AGTPBP1: variants seen among roughly 807,000 people sequenced by gnomAD.
AGTPBP1 encodes ATP/GTP binding carboxypeptidase 1.
Under a neutral mutation model 143.9 loss-of-function variants are expected in AGTPBP1, and 70 were observed. The ratio of observed to expected loss-of-function variants is 0.49; its 90% CI spans 0.40 to 0.59. The LOEUF (loss-of-function observed/expected upper bound fraction) is 0.59, where lower values mean the gene tolerates loss of function less well. Among genes scored for constraint, AGTPBP1 ranks in the 20% least tolerant of loss-of-function variants. The pLI, the probability that AGTPBP1 is intolerant of heterozygous loss-of-function variation, is 0.00. For synonymous variants in AGTPBP1, 463 were observed against 500.2 expected (o/e 0.93, Z 0.99); for missense variants, 1,229 against 1,464.5 (o/e 0.84, Z 2.62).
the AGTPBP1 span, among the ~76,000 whole-genome samples, chr9:85,797,073 C>T: frequency 6.6e-6 from 1 of 152,206 alleles, no homozygotes; most frequent in Admixed American, 6.5e-5. Context: ...GCATGAGCCA[C>T]TGCGCCCGGC....
intron 13 of AGTPBP1, among the ~76,000 whole-genome samples, chr9:85,636,472 A>G (rs1284893697): frequency 6.6e-6 from 1 of 151,870 alleles, no homozygotes; most frequent in African/African-American, 2.4e-5. Context: ...CATATTGGCC[A>G]TGGTCTCGAT....
At chr9:85,581,768 G>C (rs1828277410) in intron 23 of AGTPBP1, among the ~76,000 whole-genome samples, 1 of 152,120 alleles carries the variant, frequency 6.6e-6, no homozygotes, top group Non-Finnish European at 1.5e-5. Flanking sequence ...CTTATTGGAA[G>C]GATGCTATGA....
the AGTPBP1 span, among the ~76,000 whole-genome samples, chr9:85,769,437 G>C: frequency 1.3e-5 from 2 of 150,488 alleles, no homozygotes; most frequent in Admixed American, 1.3e-4. Flanking sequence ...TGTAGTCCCA[G>C]CTACTCAGGA....
chr9:85,779,236 GATATAGATATCT>G, the AGTPBP1 span, among the ~76,000 whole-genome samples: 27 of 84,942 alleles, frequency 3.2e-4, no homozygotes, highest in African/African-American at 7.4e-4. Context: ...TATAGATATA[GATATAGATATCT>G]ATATAAATAT....
At chr9:85,804,882 C>A in the AGTPBP1 span, among the ~76,000 whole-genome samples, 1 of 152,168 alleles carries the variant, frequency 6.6e-6, no homozygotes, top group Non-Finnish European at 1.5e-5. Flanking sequence ...GCCTGGAGGT[C>A]GAACCCCAAG....
the AGTPBP1 span, among the ~76,000 whole-genome samples, chr9:85,796,978 G>T: frequency 6.6e-6 from 1 of 151,170 alleles, no homozygotes; most frequent in African/African-American, 2.4e-5. Flanking sequence ...GTAGAGACAG[G>T]GTTTCACCGT....
intron 15 of AGTPBP1, 143 bp from the exon 16 acceptor site, chr9:85,619,444 G>A (rs1041451394): frequency 1.7e-6 from 1 of 592,364 alleles, no homozygotes; most frequent in East Asian, 3.0e-5. Context: ...CACAAAACAA[G>A]CACAATCAAT....
chr9:85,566,296 G>C (rs1279064436), intron 25 of AGTPBP1, among the ~76,000 whole-genome samples: 4 of 152,020 alleles, frequency 2.6e-5, no homozygotes, highest in Non-Finnish European at 5.9e-5. Context: ...GAGATGGGAA[G>C]ACTGCTCGAG....
intron 1 of AGTPBP1, among the ~76,000 whole-genome samples, chr9:85,731,433 G>C (rs771553263): frequency 1.3e-5 from 2 of 151,912 alleles, no homozygotes; most frequent in African/African-American, 2.4e-5. Flanking sequence ...TTTTCGGGGA[G>C]GGAAGTGTTT....
At chr9:85,679,869 C>T (rs1278549361) in intron 4 of AGTPBP1, among the ~76,000 whole-genome samples, 1 of 152,012 alleles carries the variant, frequency 6.6e-6, no homozygotes, top group Non-Finnish European at 1.5e-5. Flanking sequence ...CTTAAAAAAG[C>T]CTTCTTTGTT....
chr9:85,794,838 C>T, the AGTPBP1 span, among the ~76,000 whole-genome samples: 2 of 152,086 alleles, frequency 1.3e-5, no homozygotes, highest in African/African-American at 4.8e-5. Flanking sequence ...ATGTCTTACA[C>T]TTCTTTGGTT....
intron 1 of AGTPBP1, among the ~76,000 whole-genome samples, chr9:85,725,937 T>C (rs1838448492): frequency 6.6e-6 from 1 of 150,946 alleles, no homozygotes; most frequent in Non-Finnish European, 1.5e-5. Flanking sequence ...TAATCCCAGC[T>C]ACTCAGGAGG....
intron 25 of AGTPBP1, among the ~76,000 whole-genome samples, chr9:85,558,686 T>C (rs1826506537): frequency 6.6e-6 from 1 of 152,180 alleles, no homozygotes; most frequent in Non-Finnish European, 1.5e-5. Context: ...CGACATGATC[T>C]CGGCTCACTG....
intron 8 of AGTPBP1, among the ~76,000 whole-genome samples, chr9:85,662,223 T>C (rs942485082): frequency 1.3e-5 from 2 of 152,152 alleles, no homozygotes; most frequent in African/African-American, 4.8e-5. Context: ...ACAGGGTAAG[T>C]GCTCAACAAA....
chr9:85,562,228 C>CAAAAAAAAAAAA (rs71370872), intron 25 of AGTPBP1, among the ~76,000 whole-genome samples: 1 of 130,284 alleles, frequency 7.7e-6, no homozygotes, highest in Non-Finnish European at 1.7e-5. Flanking sequence ...AAAAGAAAGC[C>CAAAAAAAAAAAA]AAAAAAAAAA....
intron 13 of AGTPBP1, among the ~76,000 whole-genome samples, chr9:85,639,453 A>T (rs1049263314): frequency 2.0e-5 from 3 of 152,094 alleles, no homozygotes; most frequent in African/African-American, 7.2e-5. Context: ...ATGACAACGC[A>T]AAAAAAGAAA....
chr9:85,768,742 T>C, the AGTPBP1 span, among the ~76,000 whole-genome samples: 1 of 151,998 alleles, frequency 6.6e-6, no homozygotes, highest in Non-Finnish European at 1.5e-5. Flanking sequence ...TTTCTTTAGG[T>C]AGATCAGAAA....
the AGTPBP1 span, among the ~76,000 whole-genome samples, chr9:85,792,586 T>C: frequency 6.6e-6 from 1 of 152,202 alleles, no homozygotes; most frequent in Admixed American, 6.5e-5. Flanking sequence ...ATTAATAGAG[T>C]ACATTAAATG....
chr9:85,651,697 C>A (rs1417379802), intron 11 of AGTPBP1, among the ~76,000 whole-genome samples: 3 of 152,142 alleles, frequency 2.0e-5, no homozygotes, highest in African/African-American at 7.2e-5. Flanking sequence ...AAGAATATGT[C>A]ACCTTCACAT....
Sources: allele counts gnomAD v4.1 joint callset (sites outside exome capture counted in the v4.1 genomes callset), GRCh38; gene constraint gnomAD v4.1.1; transcripts MANE v1.5; gene names NCBI Gene and HGNC (gene_info 2026-07-23, HGNC 2026-07-21).